The following BTBD7 variants were observed in gnomAD, a reference collection of about 807,000 sequenced individuals.
BTBD7 encodes the protein BTB/POZ domain-containing protein 7.
In BTBD7, 38 loss-of-function variants were observed where a neutral mutation model predicts 99.9. The ratio of observed to expected loss-of-function variants is 0.38; its 90% CI spans 0.29 to 0.50. The LOEUF (loss-of-function observed/expected upper bound fraction) is 0.50. BTBD7 is among the 20% of genes least tolerant of loss of function. The pLI is 0.93. For synonymous variants in BTBD7, 520 were observed against 511.4 expected, an observed-to-expected ratio of 1.02 and a Z score of -0.23; for missense variants, 1,170 against 1,394.6, an observed-to-expected ratio of 0.84 and a Z score of 2.57.
intron 5 of BTBD7, among the ~76,000 whole-genome samples, chr14:93,260,789 G>T (rs1026656180): frequency 6.6e-6 from 1 of 152,110 alleles, no homozygotes; most frequent in Non-Finnish European, 1.5e-5. Flanking sequence ...CCAACCTCAG[G>T]TGATCCGCCC....
In BTBD7 at chr14:93,293,774, T is replaced by C. The variant is rs2052886164; in HGVS notation, c.1162+84A>G. The C allele has an allele frequency of 4.0e-6, 6 of 1,489,616 alleles. No homozygotes were observed. In the East Asian group the frequency reaches 1.4e-4, roughly 34 times the overall value. 92.3% of individuals were successfully genotyped at this position (1,489,616 alleles called of 1,614,324 possible). A position where few individuals can be genotyped will look rare whatever the true frequency, so the allele number is the denominator to read the frequency against. On this transcript the variant is annotated intron_variant, in intron 3 of 10. Transcript: ENST00000334746. ...CCCTGTAACATCCCAAACACTGAAATCATAGAATATACTGGTTGTGTTTTC... is the reference window on the plus strand; with the variant it reads ...CCCTGTAACATCCCAAACACTGAAACCATAGAATATACTGGTTGTGTTTTC...
At chr14:93,319,309 T>C (rs1478676626) in intron 1 of BTBD7, among the ~76,000 whole-genome samples, 1 of 152,312 alleles carries the variant, frequency 6.6e-6, no homozygotes, top group South Asian at 2.1e-4. Context: ...CAAGGAGATT[T>C]CAATACAGAG....
intron 1 of BTBD7, among the ~76,000 whole-genome samples, chr14:93,317,742 T>G (rs1043204441): frequency 6.6e-6 from 1 of 152,106 alleles, no homozygotes; most frequent in African/African-American, 2.4e-5. Context: ...CATAATTCCC[T>G]GACTATTTAA....
At chr14:93,299,769 C>T (rs1566856378) in intron 1 of BTBD7, among the ~76,000 whole-genome samples, 2 of 151,992 alleles carry the variant, frequency 1.3e-5, no homozygotes, top group African/African-American at 2.4e-5. Flanking sequence ...CACCCCCTTA[C>T]CCCAGCCCCA....
intron 1 of BTBD7, among the ~76,000 whole-genome samples, chr14:93,302,665 T>A (rs1349715784): frequency 4.6e-5 from 7 of 151,936 alleles, no homozygotes; most frequent in African/African-American, 1.7e-4. Flanking sequence ...ACCAACATGG[T>A]GAAACCCTGT....
chr14:93,248,027 G>C (rs1250421560), intron 9 of BTBD7, among the ~76,000 whole-genome samples: 1 of 152,214 alleles, frequency 6.6e-6, no homozygotes, highest in Non-Finnish European at 1.5e-5. Flanking sequence ...AAGGAAGAGA[G>C]AGCAGTGGAA....
chr14:93,286,810 T>A (rs1348374636), intron 3 of BTBD7, among the ~76,000 whole-genome samples: 1 of 152,162 alleles, frequency 6.6e-6, no homozygotes, highest in Non-Finnish European at 1.5e-5. Context: ...CCTCTGTACA[T>A]TCAAATTATA....
intron 6 of BTBD7, 31 bp from the exon 7 acceptor site, chr14:93,253,821 T>C: frequency 7.2e-7 from 1 of 1,382,328 alleles, no homozygotes; most frequent in South Asian, 1.4e-5. Flanking sequence ...TAGATAGAAA[T>C]CTGTGTAGTA....
intron 3 of BTBD7, among the ~76,000 whole-genome samples, chr14:93,274,517 CCT>C (rs750802867): frequency 5.3e-5 from 8 of 152,128 alleles, no homozygotes; most frequent in Non-Finnish European, 8.8e-5. Context: ...GTAAATGTCC[CCT>C]CTTTCTTCCC....
At chr14:93,292,643 T>C (rs776531226) in intron 3 of BTBD7, among the ~76,000 whole-genome samples, 2 of 152,206 alleles carry the variant, frequency 1.3e-5, no homozygotes, top group Non-Finnish European at 2.9e-5. Context: ...CCCATTTTAT[T>C]ACTGAGATTT....
intron 1 of BTBD7, among the ~76,000 whole-genome samples, chr14:93,325,626 C>A (rs549687482): frequency 6.6e-6 from 1 of 152,214 alleles, no homozygotes; most frequent in East Asian, 1.9e-4. Flanking sequence ...GATTTCCATA[C>A]CTATTTTAAC....
chr14:93,280,509 A>G (rs752065113), intron 3 of BTBD7, among the ~76,000 whole-genome samples: 35 of 152,256 alleles, frequency 2.3e-4, no homozygotes, highest in Non-Finnish European at 4.7e-4. Flanking sequence ...AGATGTATGT[A>G]TATTTCACCC....
intron 3 of BTBD7, among the ~76,000 whole-genome samples, chr14:93,279,983 A>C (rs1218378461): frequency 6.6e-6 from 1 of 152,246 alleles, no homozygotes; most frequent in Admixed American, 6.5e-5. Flanking sequence ...TTATAGACCT[A>C]ATGTGATGAT....
chr14:93,240,246 G>A lies in BTBD7; in HGVS notation c.*2027C>T, dbSNP rs1215587560. The A allele has an allele frequency of 6.5e-6, 1 of 152,718 alleles. No homozygotes were observed. Among genetic ancestry groups the A allele is most frequent in the Non-Finnish European group, 1.5e-5 (1 of 68,068 alleles). The allele number at this position is 152,718 out of a possible 1,614,324, so 9.5% of individuals were successfully genotyped here. A position where few individuals can be genotyped will look rare whatever the true frequency, so the allele number is the denominator to read the frequency against. ...CACCCGCACAGCAGCTAACCAGTCA[G>A]GCAGCAGAACGAGTGGCGGCAGTTT... On this transcript the variant is annotated 3_prime_UTR_variant, in exon 11 of 11. Transcript: ENST00000334746.
intron 1 of BTBD7, among the ~76,000 whole-genome samples, chr14:93,302,171 T>C (rs1044400051): frequency 3.9e-5 from 6 of 152,178 alleles, no homozygotes; most frequent in African/African-American, 1.2e-4. Flanking sequence ...TGGTTCGATT[T>C]TGGATCTCCT....
chr14:93,275,070 A>C lies in BTBD7; in HGVS notation c.1163-11077T>G, dbSNP rs868576615. ...AAGTACTACCAAAGGGGTGTACAAA[A>C]GGCTATGGTACACAGTGGGGGGCTA... On this transcript the variant is annotated intron_variant, in intron 3 of 10. Transcript: ENST00000334746. Among the ~76,000 whole-genome samples, 13 of 152,288 alleles carry C rather than the reference A, an allele frequency of 8.5e-5. No homozygotes were observed. The South Asian group carries it at 1.0e-3, about 12-fold the overall frequency.
intron 3 of BTBD7, chr14:93,288,756 G>C: frequency 1.3e-6 from 2 of 1,597,764 alleles, no homozygotes; most frequent in East Asian, 2.2e-5. Flanking sequence ...TATAACCCCT[G>C]AGTGTAATTT....
intron 1 of BTBD7, among the ~76,000 whole-genome samples, chr14:93,324,418 T>G (rs2053304005): frequency 1.5e-5 from 1 of 65,566 alleles, no homozygotes; most frequent in Admixed American, 1.3e-4. Context: ...CGAGACCCTG[T>G]CTCAAAAAAA....
intron 1 of BTBD7, among the ~76,000 whole-genome samples, chr14:93,300,254 GTTC>G (rs1325128727): frequency 3.7e-4 from 51 of 136,946 alleles, no homozygotes; most frequent in African/African-American, 1.3e-3. Flanking sequence ...TTCTTTCTTT[GTTC>G]TTTTTTTTTT....
Sources: allele counts gnomAD v4.1 joint callset (sites outside exome capture counted in the v4.1 genomes callset), GRCh38; gene constraint gnomAD v4.1.1; transcripts MANE v1.5; gene names NCBI Gene and HGNC (gene_info 2026-07-23, HGNC 2026-07-21).